The following MMS22L variants were observed in gnomAD, a reference collection of about 807,000 sequenced individuals.
MMS22L encodes MMS22 like, DNA repair protein.
In MMS22L, 74 loss-of-function variants were observed where a neutral mutation model predicts 159.1. The observed-to-expected ratio is 0.47, with a 90% CI of 0.39 to 0.56. The LOEUF is 0.56. MMS22L is among the 20% of genes least tolerant of loss of function. The pLI, the probability that MMS22L is intolerant of heterozygous loss-of-function variation, is 0.00. For missense variants in MMS22L, 1,351 were observed against 1,422.1 expected (o/e 0.95, Z 0.80); for synonymous variants, 517 against 506.9 (o/e 1.02, Z -0.27).
At chr6:97,156,441 A>G (rs1801854971) in intron 22 of MMS22L, among the ~76,000 whole-genome samples, 1 of 152,118 alleles carries the variant, frequency 6.6e-6, no homozygotes, top group South Asian at 2.1e-4. Context: ...TAGGGTTTTT[A>G]TGGTTTTAGG....
At chr6:97,197,942 G>T (rs925698086) in intron 14 of MMS22L, among the ~76,000 whole-genome samples, 1 of 151,892 alleles carries the variant, frequency 6.6e-6, no homozygotes, top group Non-Finnish European at 1.5e-5. Flanking sequence ...GTCTTGCTTT[G>T]GCTATTCCAC....
At chr6:97,189,050 T>C (rs1805565788) in intron 14 of MMS22L, among the ~76,000 whole-genome samples, 1 of 151,896 alleles carries the variant, frequency 6.6e-6, no homozygotes, top group Non-Finnish European at 1.5e-5. Flanking sequence ...CATGTAGCTG[T>C]GTCTTTTGAA....
At chr6:97,240,090 A>G (rs1811890106) in intron 11 of MMS22L, among the ~76,000 whole-genome samples, 1 of 152,194 alleles carries the variant, frequency 6.6e-6, no homozygotes, top group South Asian at 2.1e-4. Flanking sequence ...ATTTACCTCA[A>G]TGGGAGGAAA....
chr6:97,252,439 G>A (rs1813337501), intron 10 of MMS22L, among the ~76,000 whole-genome samples: 1 of 151,912 alleles, frequency 6.6e-6, no homozygotes, highest in South Asian at 2.1e-4. Flanking sequence ...GAGGTCAGGA[G>A]TTCGAAACCA....
At chr6:97,273,896 A>G (rs1390180519) in intron 4 of MMS22L, among the ~76,000 whole-genome samples, 1 of 152,214 alleles carries the variant, frequency 6.6e-6, no homozygotes, top group South Asian at 2.1e-4. Flanking sequence ...TAAAATGTAT[A>G]TCAATTTATC....
chr6:97,183,157 T>A (rs1346657749), intron 15 of MMS22L, among the ~76,000 whole-genome samples: 1 of 152,086 alleles, frequency 6.6e-6, no homozygotes, highest in Non-Finnish European at 1.5e-5. Context: ...TTTCCAACTT[T>A]CCTCTTCTCC....
chr6:97,220,041 T>C (rs1809464064), intron 14 of MMS22L, among the ~76,000 whole-genome samples: 2 of 152,314 alleles, frequency 1.3e-5, no homozygotes, highest in Non-Finnish European at 2.9e-5. Context: ...TTAACCTTTT[T>C]CTAAGCAGTG....
chr6:97,254,905 A>C (rs1813628754), intron 9 of MMS22L, among the ~76,000 whole-genome samples, 172 bp from the exon 10 acceptor site: 1 of 152,182 alleles, frequency 6.6e-6, no homozygotes, highest in South Asian at 2.1e-4. Context: ...AGTACTTTAG[A>C]AGTACCTTAC....
intron 9 of MMS22L, among the ~76,000 whole-genome samples, chr6:97,258,228 A>G (rs745684925): frequency 6.6e-6 from 1 of 152,214 alleles, no homozygotes; most frequent in Non-Finnish European, 1.5e-5. Context: ...GGTAAAATAA[A>G]GCTATTTTAG....
At chr6:97,235,350 G>A (rs1438344635) in intron 11 of MMS22L, among the ~76,000 whole-genome samples, 3 of 152,190 alleles carry the variant, frequency 2.0e-5, no homozygotes, top group Non-Finnish European at 4.4e-5. Flanking sequence ...TACAAGTAGA[G>A]CTATTAAGCA....
intron 18 of MMS22L, among the ~76,000 whole-genome samples, chr6:97,176,127 A>ACACTT (rs564379853): frequency 1.9e-4 from 29 of 152,204 alleles, no homozygotes; most frequent in Non-Finnish European, 3.5e-4. Flanking sequence ...TTCTTAAGTG[A>ACACTT]AACTGGCTTT....
At position 97,282,522 on chromosome 6, in the gene MMS22L, A is replaced by C. The variant is rs770705612; in HGVS notation, c.-45T>G. 195 of 1,045,580 alleles carry C rather than the reference A, an allele frequency of 1.9e-4. No individual in the cohort carries two copies. The highest frequency in any genetic ancestry group is 2.4e-4 in the Non-Finnish European group (189 of 783,888). 64.8% of individuals were successfully genotyped at this position (1,045,580 alleles called of 1,614,324 possible). On this transcript the variant is annotated 5_prime_UTR_variant, in exon 2 of 25. Transcript: ENST00000683635. ...AACACTTGGGGTTCGTCGTATCATT[A>C]AGGGCTCCAAAGAGAAGGTGTGAAG... is the stretch of plus-strand genomic sequence containing the variant.
intron 20 of MMS22L, among the ~76,000 whole-genome samples, chr6:97,167,152 A>G (rs1004663114): frequency 1.3e-5 from 2 of 152,106 alleles, no homozygotes; most frequent in Non-Finnish European, 2.9e-5. Flanking sequence ...TGGCAGATCA[A>G]TATTTCCAAC....
chr6:97,281,476 G>A, intron 2 of MMS22L, 114 bp from the exon 3 acceptor site: 3 of 830,574 alleles, frequency 3.6e-6, no homozygotes, highest in Admixed American at 2.7e-5. Flanking sequence ...TAAAAAGTCA[G>A]AAAATGCCTT....
At position 97,144,153 on chromosome 6, in the gene MMS22L, G is replaced by C. The variant is rs1287163749; in HGVS notation, c.*2653C>G. The C allele has an allele frequency of 1.4e-5, 2 of 147,556 alleles. No homozygotes were observed. The highest frequency in any genetic ancestry group is 5.0e-5 in the African/African-American group (2 of 39,842). The allele number at this position is 147,556 out of a possible 1,614,324, so 9.1% of individuals were successfully genotyped here. On this transcript the variant is annotated 3_prime_UTR_variant, in exon 25 of 25. Coordinates refer to ENST00000683635, the MANE Select transcript of MMS22L (RefSeq NM_001350599.2). ...AGAGAGAGAAAAGCTGGAGTTATCA[G>C]TTCACCACTAACAGAATGTTGAGAC...
intron 9 of MMS22L, among the ~76,000 whole-genome samples, chr6:97,257,620 G>T (rs1051882943): frequency 6.6e-6 from 1 of 152,022 alleles, no homozygotes; most frequent in African/African-American, 2.4e-5. Flanking sequence ...TTTTTGTAAA[G>T]ATTACGTCTC....
intron 14 of MMS22L, among the ~76,000 whole-genome samples, chr6:97,188,004 T>G (rs1287718821): frequency 6.6e-6 from 1 of 152,102 alleles, no homozygotes; most frequent in Non-Finnish European, 1.5e-5. Context: ...AGTAAACAAT[T>G]CTCATAAAAG....
At position 97,173,230 on chromosome 6, in the gene MMS22L, T is replaced by G. The variant is rs1240472803; in HGVS notation, c.2680-8A>C. The G allele has an allele frequency of 1.2e-6, 2 of 1,602,686 alleles. No individual in the cohort carries two copies. Among genetic ancestry groups the G allele is most frequent in the African/African-American group, 2.7e-5 (2 of 73,996 alleles). On this transcript the variant is annotated splice_polypyrimidine_tract_variant and splice_region_variant and intron_variant, in intron 18 of 24. Transcript: ENST00000683635. ...GTAAGTTACACCAACAGCCTATAAA[T>G]AAAGAAAAACATTATTTAACTTCCC...
chr6:97,266,774 T>C (rs947871364), intron 8 of MMS22L: 1 of 152,164 alleles, frequency 6.6e-6, no homozygotes. Context: ...CTCACTTATA[T>C]GTAGAATCTA....
Sources: gnomAD v4.1 joint callset for allele counts (sites outside exome capture counted in the v4.1 genomes callset) on GRCh38, gnomAD v4.1.1 for gene constraint, MANE v1.5 for transcripts, NCBI Gene and HGNC (gene_info 2026-07-23, HGNC 2026-07-21) for gene names.